The following MCC variants were observed in gnomAD, a reference collection of about 807,000 sequenced individuals.
MCC encodes colorectal mutant cancer protein.
Under a neutral mutation model 116.2 loss-of-function variants are expected in MCC, and 90 were observed. The observed-to-expected ratio is 0.77, with a 90% CI of 0.65 to 0.92. MCC has a LOEUF of 0.92. Among genes scored for constraint, MCC ranks in the 40% least tolerant of loss-of-function variants. The pLI, the probability that MCC is intolerant of heterozygous loss-of-function variation, is 0.00. For missense variants in MCC, 1,516 were observed against 1,312.2 expected (o/e 1.16, Z -2.40); for synonymous variants, 578 against 510.5 (o/e 1.13, Z -1.78).
chr5:113,282,421 G>C (rs970799809), intron 3 of MCC, among the ~76,000 whole-genome samples: 8 of 152,164 alleles, frequency 5.3e-5, no homozygotes, highest in African/African-American at 1.9e-4. Flanking sequence ...ATTTTCATAA[G>C]CAGTTCAGAT....
intron 8 of MCC, among the ~76,000 whole-genome samples, chr5:113,093,373 G>T (rs1755776049): frequency 6.6e-6 from 1 of 152,146 alleles, no homozygotes; most frequent in South Asian, 2.1e-4. Context: ...GAATTCAAGG[G>T]TCGAGCGCAC....
intron 14 of MCC, among the ~76,000 whole-genome samples, chr5:113,062,064 C>T (rs533295378): frequency 3.0e-4 from 46 of 152,142 alleles, no homozygotes; most frequent in Non-Finnish European, 5.4e-4. Flanking sequence ...CTTCCATCCT[C>T]GGAGCTGCTC....
In MCC at chr5:113,024,812, A is replaced by G. The variant is rs1218688938; in HGVS notation, c.*2490T>C. ...TCAAGTGCCACCTAGTTCACCTTCA[A>G]GGATTGTGTCTTGGGGAGTATTTGA... On this transcript the variant is annotated 3_prime_UTR_variant, in exon 19 of 19. Transcript: ENST00000408903. The G allele has an allele frequency of 6.6e-6, 1 of 152,184 alleles. No homozygotes were observed. Among genetic ancestry groups the G allele is most frequent in the Non-Finnish European group, 1.5e-5 (1 of 68,036 alleles). 9.4% of individuals were successfully genotyped at this position (152,184 alleles called of 1,614,324 possible).
chr5:113,384,595 C>G (rs1177633873), intron 2 of MCC, among the ~76,000 whole-genome samples: 3 of 151,994 alleles, frequency 2.0e-5, no homozygotes, highest in Non-Finnish European at 2.9e-5. Context: ...CCCCCGCCCC[C>G]CAAAAAAATT....
At chr5:113,279,181 C>G (rs1765940417) in intron 3 of MCC, among the ~76,000 whole-genome samples, 1 of 152,142 alleles carries the variant, frequency 6.6e-6, no homozygotes, top group Non-Finnish European at 1.5e-5. Context: ...TTAAGTAGCA[C>G]TTATAAGACA....
At chr5:113,424,404 C>A (rs1770429395) in intron 1 of MCC, among the ~76,000 whole-genome samples, 1 of 151,954 alleles carries the variant, frequency 6.6e-6, no homozygotes, top group Non-Finnish European at 1.5e-5. Context: ...TTTCACAGAA[C>A]AATAATAAGT....
At chr5:113,091,780 G>T (rs955860067) in intron 8 of MCC, among the ~76,000 whole-genome samples, 1 of 152,106 alleles carries the variant, frequency 6.6e-6, no homozygotes, top group African/African-American at 2.4e-5. Flanking sequence ...AGCTACTCAG[G>T]AGGCTGAGGT....
intron 3 of MCC, among the ~76,000 whole-genome samples, chr5:113,257,887 A>T (rs1237248437): frequency 1.3e-5 from 2 of 152,206 alleles, no homozygotes; most frequent in Non-Finnish European, 2.9e-5. Context: ...ATAGAAACCA[A>T]ACCTCTTCCA....
At chr5:113,487,873 T>C (rs1025104013) in intron 1 of MCC, among the ~76,000 whole-genome samples, 1 of 152,136 alleles carries the variant, frequency 6.6e-6, no homozygotes, top group African/African-American at 2.4e-5. Flanking sequence ...CTGCGGCATC[T>C]TGATGCCCAG....
At chr5:113,268,397 G>A (rs1765492104) in intron 3 of MCC, among the ~76,000 whole-genome samples, 1 of 152,144 alleles carries the variant, frequency 6.6e-6, no homozygotes, top group African/African-American at 2.4e-5. Context: ...CTTACAGAAA[G>A]GCCCTTAGGA....
intron 3 of MCC, among the ~76,000 whole-genome samples, chr5:113,309,807 T>C (rs1222086776): frequency 6.6e-6 from 1 of 152,108 alleles, no homozygotes; most frequent in African/African-American, 2.4e-5. Context: ...ATTTCATTTC[T>C]TTCCTTTCTT....
chr5:113,049,961 G>A (rs947705858), intron 15 of MCC, among the ~76,000 whole-genome samples: 1 of 152,232 alleles, frequency 6.6e-6, no homozygotes, highest in South Asian at 2.1e-4. Flanking sequence ...AGAGCGATGA[G>A]TGGAGAATAC....
At chr5:113,173,449 C>T (rs1366391446) in intron 3 of MCC, among the ~76,000 whole-genome samples, 1 of 152,040 alleles carries the variant, frequency 6.6e-6, no homozygotes, top group East Asian at 1.9e-4. Context: ...AATATCTCCC[C>T]CTTTGTTTTA....
intron 8 of MCC, among the ~76,000 whole-genome samples, chr5:113,095,268 A>G (rs1755934541): frequency 6.6e-6 from 1 of 152,122 alleles, no homozygotes. Flanking sequence ...ACAAGAGAAC[A>G]ATGACAACTG....
At chr5:113,220,231 T>G (rs1409871351) in intron 3 of MCC, among the ~76,000 whole-genome samples, 1 of 149,814 alleles carries the variant, frequency 6.7e-6, no homozygotes, top group Non-Finnish European at 1.5e-5. Context: ...CTAATTTTTT[T>G]GTATTTTTTA....
intron 6 of MCC, among the ~76,000 whole-genome samples, chr5:113,105,361 A>G (rs1756669401): frequency 6.6e-6 from 1 of 152,210 alleles, no homozygotes; most frequent in African/African-American, 2.4e-5. Flanking sequence ...AGACTTCAAG[A>G]AAACTCTTGG....
chr5:113,316,919 A>C (rs1011557934), intron 3 of MCC, among the ~76,000 whole-genome samples: 2 of 152,252 alleles, frequency 1.3e-5, no homozygotes, highest in Admixed American at 1.3e-4. Context: ...TGGAAATGAC[A>C]CTGAAACAGA....
In MCC at chr5:113,130,963, A is replaced by C. The variant is rs1309331253; in HGVS notation, c.885-8137T>G. ...TTCATCTAACCCTGATTCTCTCCCAAAGGCCTCATCTCCAAATACCATCAC... is the reference window on the plus strand; with the variant it reads ...TTCATCTAACCCTGATTCTCTCCCACAGGCCTCATCTCCAAATACCATCAC... On this transcript the variant is annotated intron_variant, in intron 5 of 18. Transcript: ENST00000408903. 2.0e-5 allele frequency among the ~76,000 whole-genome samples: 3 copies of C among 152,208 alleles called. No homozygotes were observed. The South Asian group carries it at 6.2e-4, about 31-fold the overall frequency.
At chr5:113,172,950 A>C (rs1242284550) in intron 3 of MCC, among the ~76,000 whole-genome samples, 1 of 152,048 alleles carries the variant, frequency 6.6e-6, no homozygotes, top group Non-Finnish European at 1.5e-5. Flanking sequence ...TTTTGTCGTA[A>C]ATCTACTGGA....
Sources: allele counts gnomAD v4.1 joint callset (sites outside exome capture counted in the v4.1 genomes callset), GRCh38; gene constraint gnomAD v4.1.1; transcripts MANE v1.5; gene names NCBI Gene and HGNC (gene_info 2026-07-23, HGNC 2026-07-21).